PPHLN1: variants seen among roughly 807,000 people sequenced by gnomAD.
PPHLN1 encodes periphilin-1.
PPHLN1 carries 29 observed loss-of-function variants against 51.3 expected under a neutral mutation model. That is an observed-to-expected ratio of 0.57 (90% CI 0.42 to 0.77). The LOEUF is 0.77. Ranked by LOEUF, PPHLN1 falls within the 30% of genes least tolerant of loss-of-function variation. The probability of loss-of-function intolerance (pLI) is 0.00; values close to 1 mark genes in which losing one functional copy is unlikely to be tolerated. For synonymous variants in PPHLN1, 147 were observed against 147.8 expected, an observed-to-expected ratio of 0.99 and a Z score of 0.04; for missense variants, 436 against 438.4, an observed-to-expected ratio of 0.99 and a Z score of 0.05.
chr12:42,359,598 G>T (rs190929337), intron 4 of PPHLN1: 1 of 152,286 alleles, frequency 6.6e-6, no homozygotes, highest in African/African-American at 2.4e-5. Flanking sequence ...TCTGTATCAG[G>T]TGGGCTCATT....
chr12:42,345,335 A>T (rs879768782), intron 2 of PPHLN1, among the ~76,000 whole-genome samples: 11 of 152,100 alleles, frequency 7.2e-5, no homozygotes, highest in African/African-American at 1.2e-4. Context: ...TCATTGAAGT[A>T]TAACTTTCCA....
chr12:42,396,509 T>A (rs1320257318), intron 8 of PPHLN1, among the ~76,000 whole-genome samples: 1 of 149,422 alleles, frequency 6.7e-6, no homozygotes. Flanking sequence ...AAGAAAATTG[T>A]TTGAAGGATA....
At chr12:42,436,831 CAG>C (rs2082526007) in intron 9 of PPHLN1, among the ~76,000 whole-genome samples, 1 of 152,162 alleles carries the variant, frequency 6.6e-6, no homozygotes, top group Non-Finnish European at 1.5e-5. Flanking sequence ...TCATACTACT[CAG>C]AACAGCATGC....
intron 4 of PPHLN1, 157 bp from the exon 5 acceptor site, chr12:42,374,705 CG>C (rs2076101550): frequency 1.8e-6 from 1 of 548,510 alleles, no homozygotes; most frequent in Non-Finnish European, 3.1e-6. Flanking sequence ...CTGCCCGTCT[CG>C]GCCTCCCAAA....
At chr12:42,396,021 A>G (rs2078168053) in intron 8 of PPHLN1, among the ~76,000 whole-genome samples, 1 of 152,160 alleles carries the variant, frequency 6.6e-6, no homozygotes, top group Admixed American at 6.6e-5. Context: ...TCTGGGCTCT[A>G]CTACAGCATT....
intron 9 of PPHLN1, chr12:42,399,266 A>C: frequency 1.0e-6 from 1 of 964,206 alleles, no homozygotes; most frequent in Non-Finnish European, 1.3e-6. Flanking sequence ...AAATTATTAA[A>C]GTTAATAGGG....
At chr12:42,353,493 A>G (rs543092892) in intron 3 of PPHLN1, among the ~76,000 whole-genome samples, 4 of 152,224 alleles carry the variant, frequency 2.6e-5, no homozygotes, top group Non-Finnish European at 4.4e-5. Flanking sequence ...TAACAATTCC[A>G]AAGTTGTAAT....
chr12:42,406,522 TG>T (rs1471342264), intron 9 of PPHLN1, among the ~76,000 whole-genome samples: 1 of 152,252 alleles, frequency 6.6e-6, no homozygotes, highest in Non-Finnish European at 1.5e-5. Context: ...TGCATTTGCC[TG>T]ATTAGTGATG....
chr12:42,408,727 T>G (rs924259597), intron 9 of PPHLN1, among the ~76,000 whole-genome samples: 1 of 152,224 alleles, frequency 6.6e-6, no homozygotes, highest in Non-Finnish European at 1.5e-5. Flanking sequence ...TGTATATTTA[T>G]GTTGCCTAAG....
chr12:42,437,003 G>T (rs188471701), intron 9 of PPHLN1, among the ~76,000 whole-genome samples: 1 of 152,194 alleles, frequency 6.6e-6, no homozygotes, highest in East Asian at 1.9e-4. Flanking sequence ...CATATTTATT[G>T]TCCTGGCTCT....
chr12:42,366,573 G>A (rs924236355), intron 4 of PPHLN1, among the ~76,000 whole-genome samples: 1 of 151,434 alleles, frequency 6.6e-6, no homozygotes, highest in Non-Finnish European at 1.5e-5. Context: ...TTTTGAGACA[G>A]GGTTTCCCTG....
intron 7 of PPHLN1, among the ~76,000 whole-genome samples, chr12:42,391,710 T>C (rs1300420942): frequency 5.3e-5 from 8 of 150,100 alleles, no homozygotes; most frequent in South Asian, 2.1e-4. Flanking sequence ...AAACCTTCTA[T>C]TACTGAGTAA....
intron 3 of PPHLN1, among the ~76,000 whole-genome samples, chr12:42,354,918 A>G (rs1054554606): frequency 5.3e-5 from 8 of 152,198 alleles, no homozygotes; most frequent in East Asian, 1.9e-4. Context: ...ATCTTTGGCA[A>G]TTAGCTTGTT....
At chr12:42,341,083 C>T (rs1444130297) in intron 2 of PPHLN1, among the ~76,000 whole-genome samples, 2 of 150,700 alleles carry the variant, frequency 1.3e-5, no homozygotes, top group Non-Finnish European at 2.9e-5. Context: ...CAGGTTCAAG[C>T]GATTCTTGTG....
chr12:42,373,556 T>C (rs1284182895), intron 4 of PPHLN1, among the ~76,000 whole-genome samples: 1 of 152,228 alleles, frequency 6.6e-6, no homozygotes, highest in African/African-American at 2.4e-5. Flanking sequence ...GTATGTCTCT[T>C]AGCACTCTTC....
intron 9 of PPHLN1, among the ~76,000 whole-genome samples, chr12:42,430,601 A>G (rs545318277): frequency 1.1e-4 from 17 of 152,058 alleles, no homozygotes; most frequent in South Asian, 2.1e-4. Flanking sequence ...GGTTCAAGCA[A>G]TTCTGCCCCA....
chr12:42,435,237 A>G (rs2082378585), intron 9 of PPHLN1, among the ~76,000 whole-genome samples: 1 of 152,230 alleles, frequency 6.6e-6, no homozygotes, highest in African/African-American at 2.4e-5. Context: ...TTCTATAAAC[A>G]TTGATTGCTG....
intron 4 of PPHLN1, among the ~76,000 whole-genome samples, chr12:42,366,933 C>T (rs1385073015): frequency 2.0e-5 from 3 of 152,112 alleles, no homozygotes; most frequent in African/African-American, 4.8e-5. Context: ...ACTGTCAGAA[C>T]GCCTTTCTTA....
chr12:42,418,587 G>T (rs1452470924), intron 9 of PPHLN1, among the ~76,000 whole-genome samples: 1 of 151,702 alleles, frequency 6.6e-6, no homozygotes, highest in African/African-American at 2.4e-5. Flanking sequence ...CTCTCTACTG[G>T]GCATGCATTT....
Sources: gnomAD v4.1 joint callset for allele counts (sites outside exome capture counted in the v4.1 genomes callset) on GRCh38, gnomAD v4.1.1 for gene constraint, MANE v1.5 for transcripts, NCBI Gene and HGNC (gene_info 2026-07-23, HGNC 2026-07-21) for gene names.